IL7: variants seen among roughly 807,000 people sequenced by gnomAD.
The protein encoded by IL7 is interleukin-7.
IL7 carries 3 observed loss-of-function variants against 21.6 expected under a neutral mutation model. That is an observed-to-expected ratio of 0.14 (90% CI 0.06 to 0.36). The LOEUF (loss-of-function observed/expected upper bound fraction) is 0.36, where lower values mean the gene tolerates loss of function less well. IL7 is among the 10% of genes least tolerant of loss of function. The pLI is 1.00. For missense variants in IL7, 175 were observed against 200.2 expected (o/e 0.87, Z 0.76); for synonymous variants, 62 against 68.1 (o/e 0.91, Z 0.44).
At chr8:78,779,144 C>T (rs777656888) in intron 2 of IL7, among the ~76,000 whole-genome samples, 2 of 152,168 alleles carry the variant, frequency 1.3e-5, no homozygotes, top group Non-Finnish European at 2.9e-5. Flanking sequence ...AGCTTTTGGG[C>T]TGAGACAATG....
chr8:78,786,189 C>A (rs1425826929), intron 2 of IL7, among the ~76,000 whole-genome samples: 2 of 152,030 alleles, frequency 1.3e-5, no homozygotes, highest in African/African-American at 4.8e-5. Flanking sequence ...ATCATAGAAC[C>A]CAAACCTAAA....
At chr8:78,784,076 C>T (rs11780815) in intron 2 of IL7, among the ~76,000 whole-genome samples, 10,018 of 152,206 alleles carry the variant, frequency 0.066, 359 homozygotes, top group Middle Eastern at 0.095. Context: ...ATGAACTGAA[C>T]ATTTGTGTCT....
chr8:78,796,857 A>C (rs903046630), intron 2 of IL7, among the ~76,000 whole-genome samples: 4 of 152,014 alleles, frequency 2.6e-5, no homozygotes, highest in African/African-American at 9.7e-5. Flanking sequence ...TTTTGTACAG[A>C]GCTAAACACA....
chr8:78,793,723 C>T (rs180760568), intron 2 of IL7, among the ~76,000 whole-genome samples: 152 of 152,220 alleles, frequency 1.0e-3, no homozygotes, highest in Non-Finnish European at 1.5e-3. Flanking sequence ...CTCTTTCTTT[C>T]ATAAAAGATT....
At chr8:78,760,947 T>A (rs1812534169) in intron 2 of IL7, 2 of 1,560,300 alleles carry the variant, frequency 1.3e-6, no homozygotes, top group Non-Finnish European at 1.7e-6. Context: ...CCAAAGGCTC[T>A]TGTAAAAGAT....
downstream of IL7, chr8:78,715,406 T>C: frequency 7.7e-7 from 1 of 1,300,456 alleles, no homozygotes; most frequent in Non-Finnish European, 1.0e-6. Context: ...TACACAAAAG[T>C]AAGTAACAAG....
chr8:78,783,789 C>T (rs1490437027), intron 2 of IL7, among the ~76,000 whole-genome samples: 2 of 152,056 alleles, frequency 1.3e-5, no homozygotes, highest in Non-Finnish European at 2.9e-5. Flanking sequence ...TTCTAGTGAG[C>T]TGAAGTGGGG....
intron 1 of IL7, among the ~76,000 whole-genome samples, chr8:78,800,279 C>T (rs185369112): frequency 6.6e-6 from 1 of 152,210 alleles, no homozygotes; most frequent in East Asian, 1.9e-4. Context: ...CCATGGTATA[C>T]ATATACCACA....
intron 3 of IL7, among the ~76,000 whole-genome samples, chr8:78,690,041 G>A (rs986713444): frequency 6.6e-6 from 1 of 152,126 alleles, no homozygotes; most frequent in Non-Finnish European, 1.5e-5. Context: ...GTTTTAGCAC[G>A]ATTTGTTTAA....
intron 2 of IL7, among the ~76,000 whole-genome samples, chr8:78,754,354 A>G (rs1376446732): frequency 6.6e-6 from 1 of 152,216 alleles, no homozygotes; most frequent in Non-Finnish European, 1.5e-5. Context: ...GACCTCTTGA[A>G]GGAGAACTAC....
intron 2 of IL7, among the ~76,000 whole-genome samples, chr8:78,796,484 C>T (rs1813857371): frequency 6.6e-6 from 1 of 151,806 alleles, no homozygotes; most frequent in Non-Finnish European, 1.5e-5. Flanking sequence ...CACAGTAATA[C>T]TCATTTGTTC....
In IL7 at chr8:78,686,738, T is replaced by C. The variant is rs958838652; in HGVS notation, n.215-791A>G. The stretch of plus-strand genomic sequence containing the variant: ...ATGAGGCATAATCTTTAAAATTTGG[T>C]GTAAAATGGTGGTGGTAATCTAGTC... On this transcript the variant is annotated intron_variant and non_coding_transcript_variant, in intron 3 of 4. Coordinates refer to the IL7 transcript ENST00000523959. 26 of 978,560 alleles carry C rather than the reference T, an allele frequency of 2.7e-5. No homozygotes were observed. The African/African-American group carries it at 4.1e-4, about 15-fold the overall frequency. 60.6% of individuals were successfully genotyped at this position (978,560 alleles called of 1,614,324 possible). A position where few individuals can be genotyped will look rare whatever the true frequency, so the allele number is the denominator to read the frequency against.
intron 3 of IL7, among the ~76,000 whole-genome samples, chr8:78,709,683 T>C (rs1401069601): frequency 1.3e-5 from 2 of 148,418 alleles, no homozygotes; most frequent in Non-Finnish European, 3.0e-5. Flanking sequence ...TTGGACCACA[T>C]ATAAAATACA....
At chr8:78,729,449 CA>C (rs1200925897), downstream of IL7, among the ~76,000 whole-genome samples, 7 of 151,998 alleles carry the variant, frequency 4.6e-5, no homozygotes, top group African/African-American at 1.7e-4. Flanking sequence ...TGGCTGTGAA[CA>C]GATTAGTCTC....
chr8:78,803,852 G>A (rs971489589), intron 1 of IL7, among the ~76,000 whole-genome samples: 29 of 152,208 alleles, frequency 1.9e-4, no homozygotes, highest in African/African-American at 7.0e-4. Flanking sequence ...TTTTGTTACT[G>A]AGCTGGCACT....
intron 3 of IL7, among the ~76,000 whole-genome samples, chr8:78,687,203 C>T (rs77127864): frequency 3.3e-5 from 5 of 151,828 alleles, no homozygotes; most frequent in African/African-American, 1.2e-4. Flanking sequence ...AAAGTTGACA[C>T]TTTGACATTC....
rs117173992 is a variant in IL7, at chr8:78,779,168, A to G, written c.147+18904T>C. Among the ~76,000 whole-genome samples, 546 of 152,294 alleles carry G rather than the reference A, an allele frequency of 3.6e-3. 21 individuals are homozygous for G. In the East Asian group the frequency reaches 0.081, roughly 22 times the overall value. On this transcript the variant is annotated intron_variant, in intron 2 of 5. Coordinates refer to ENST00000263851, the MANE Select transcript of IL7 (RefSeq NM_000880.4). ...GCTGAGACAATGGGGTTTTCTAGAT[A>G]TAAAATCACATCATCGGCAAACAGT...
intron 2 of IL7, among the ~76,000 whole-genome samples, chr8:78,756,370 A>T (rs968935524): frequency 5.3e-5 from 8 of 151,766 alleles, no homozygotes; most frequent in Non-Finnish European, 1.2e-4. Context: ...TTTTTTCTTT[A>T]AGAATAGCTT....
chr8:78,716,270 C>T (rs1392385598), downstream of IL7, among the ~76,000 whole-genome samples: 1 of 151,278 alleles, frequency 6.6e-6, no homozygotes, highest in Non-Finnish European at 1.5e-5. Flanking sequence ...CTACAGGCGC[C>T]CGCCACCACG....
Sources: allele counts gnomAD v4.1 joint callset (sites outside exome capture counted in the v4.1 genomes callset), GRCh38; gene constraint gnomAD v4.1.1; transcripts MANE v1.5; gene names NCBI Gene and HGNC (gene_info 2026-07-23, HGNC 2026-07-21).